Variants in TTC6 observed in about 807,000 individuals in gnomAD.
TTC6 encodes the protein tetratricopeptide repeat protein 6.
A neutral mutation model predicts 210.4 loss-of-function variants in TTC6; 172 were observed. That is an observed-to-expected ratio of 0.82 (90% CI 0.72 to 0.93). TTC6 has a LOEUF of 0.93. TTC6 is among the 40% of genes least tolerant of loss of function. The probability of loss-of-function intolerance (pLI) is 0.00; values close to 1 mark genes in which losing one functional copy is unlikely to be tolerated. For synonymous variants in TTC6, 804 were observed against 819.6 expected (o/e 0.98, Z 0.32); for missense variants, 2,414 against 2,318.1 (o/e 1.04, Z -0.85).
intron 14 of TTC6, among the ~76,000 whole-genome samples, chr14:37,770,269 T>C (rs942130739): frequency 1.3e-5 from 2 of 152,148 alleles, no homozygotes; most frequent in Non-Finnish European, 2.9e-5. Context: ...CTGAAAAAAA[T>C]GTATATTCTG....
At chr14:37,777,560 A>G (rs767772804) in intron 14 of TTC6, among the ~76,000 whole-genome samples, 2 of 152,098 alleles carry the variant, frequency 1.3e-5, no homozygotes, top group Non-Finnish European at 2.9e-5. Flanking sequence ...CTGAATCTCA[A>G]TGATCTTTGT....
At chr14:37,609,901 G>A (rs1337341461) in intron 2 of TTC6, among the ~76,000 whole-genome samples, 1 of 152,202 alleles carries the variant, frequency 6.6e-6, no homozygotes, top group Non-Finnish European at 1.5e-5. Context: ...CATACAGAGT[G>A]CTCACAGGGC....
At chr14:37,831,714 T>A (rs1491002108) in intron 29 of TTC6, among the ~76,000 whole-genome samples, 1 of 151,386 alleles carries the variant, frequency 6.6e-6, no homozygotes. Flanking sequence ...ATGTTCAACA[T>A]TTTTTTATAG....
intron 1 of TTC6, among the ~76,000 whole-genome samples, chr14:37,661,485 T>C (rs2095737248): frequency 6.6e-6 from 1 of 152,200 alleles, no homozygotes; most frequent in Non-Finnish European, 1.5e-5. Flanking sequence ...CTTGTAGCTG[T>C]ACTATCTTAA....
chr14:37,772,513 G>GT (rs1247996543), intron 14 of TTC6: 2 of 152,630 alleles, frequency 1.3e-5, no homozygotes, highest in African/African-American at 4.8e-5. Context: ...GTAGTGTGCC[G>GT]TTTTTTAAGC....
chr14:37,749,656 A>G (rs2095945982), intron 11 of TTC6, 58 bp from the exon 14 acceptor site: 7 of 1,200,072 alleles, frequency 5.8e-6, no homozygotes, highest in Non-Finnish European at 6.4e-6. Context: ...AATTTATTTG[A>G]TAGGATATCC....
upstream of TTC6, among the ~76,000 whole-genome samples, chr14:37,618,766 A>C (rs1371655283): frequency 1.3e-5 from 2 of 152,192 alleles, no homozygotes; most frequent in Non-Finnish European, 2.9e-5. Context: ...TTTTAGATAG[A>C]AAGAGCAACT....
chr14:37,620,009 T>A (rs1223160727), upstream of TTC6, among the ~76,000 whole-genome samples: 1 of 152,198 alleles, frequency 6.6e-6, no homozygotes, highest in African/African-American at 2.4e-5. Flanking sequence ...AGTAAAATTT[T>A]AAAAATTTAA....
intron 5 of TTC6, among the ~76,000 whole-genome samples, chr14:37,704,875 T>C (rs1430867870): frequency 6.6e-6 from 1 of 152,154 alleles, no homozygotes; most frequent in Non-Finnish European, 1.5e-5. Context: ...GTAATTTATT[T>C]TGATAAGAAG....
At chr14:37,785,717 T>A (rs2096065967) in intron 14 of TTC6, among the ~76,000 whole-genome samples, 1 of 152,232 alleles carries the variant, frequency 6.6e-6, no homozygotes, top group South Asian at 2.1e-4. Context: ...TTTTAGAATG[T>A]TCAGCTTTTC....
intron 5 of TTC6, among the ~76,000 whole-genome samples, chr14:37,709,973 C>T (rs1311256822): frequency 6.6e-6 from 1 of 152,098 alleles, no homozygotes; most frequent in Non-Finnish European, 1.5e-5. Flanking sequence ...GATTGCGACC[C>T]AGTGAGTGGG....
chr14:37,621,644 C>A (rs1283206088), upstream of TTC6, among the ~76,000 whole-genome samples: 13 of 152,130 alleles, frequency 8.5e-5, no homozygotes, highest in Admixed American at 8.5e-4. Flanking sequence ...ATACTCTGAA[C>A]TATATGGGCT....
intron 14 of TTC6, among the ~76,000 whole-genome samples, chr14:37,761,573 T>A (rs990656428): frequency 1.3e-5 from 2 of 152,034 alleles, no homozygotes; most frequent in African/African-American, 4.8e-5. Context: ...CATCATCAGG[T>A]CATTTCCAAC....
intron 14 of TTC6, among the ~76,000 whole-genome samples, chr14:37,785,927 G>T (rs918582982): frequency 6.6e-6 from 1 of 152,188 alleles, no homozygotes; most frequent in Non-Finnish European, 1.5e-5. Flanking sequence ...ACCAGTGGAG[G>T]CTGCAGAACC....
At chr14:37,736,544 G>A (rs1570404) in intron 8 of TTC6, among the ~76,000 whole-genome samples, 96,512 of 151,810 alleles carry the variant, frequency 0.64, 31,881 homozygotes, top group East Asian at 0.89. Flanking sequence ...ACTCATTCTT[G>A]TGTAGGTCTT....
intron 24 of TTC6, 80 bp downstream of exon 26, chr14:37,808,926 C>A: frequency 2.8e-6 from 2 of 702,578 alleles, no homozygotes; most frequent in Non-Finnish European, 4.8e-6. Flanking sequence ...GGATTTCAAT[C>A]AATAAATATT....
chr14:37,792,401 A>G, exon 17 of TTC6: 4 of 1,511,472 alleles, frequency 2.6e-6, no homozygotes, highest in Non-Finnish European at 3.5e-6. Context: ...TGTCGGGCGG[A>G]AACCTATTTT....
At chr14:37,641,424 C>G (rs1301694012) in intron 1 of TTC6, among the ~76,000 whole-genome samples, 1 of 152,164 alleles carries the variant, frequency 6.6e-6, no homozygotes, top group Admixed American at 6.5e-5. Context: ...TTAAGCATCT[C>G]TTATCCCAAA....
At chr14:37,839,348 T>G (rs2096204934) in intron 29 of TTC6, among the ~76,000 whole-genome samples, 1 of 152,220 alleles carries the variant, frequency 6.6e-6, no homozygotes, top group Non-Finnish European at 1.5e-5. Context: ...CTAACTGACA[T>G]GAGATGGTAT....
Sources: gnomAD v4.1 joint callset for allele counts (sites outside exome capture counted in the v4.1 genomes callset) on GRCh38, gnomAD v4.1.1 for gene constraint, MANE v1.5 for transcripts, NCBI Gene and HGNC (gene_info 2026-07-23, HGNC 2026-07-21) for gene names.